Variants in DLGAP2 observed in about 807,000 individuals in gnomAD.
The protein encoded by DLGAP2 is disks large-associated protein 2.
In DLGAP2, 26 loss-of-function variants were observed where a neutral mutation model predicts 100.3. The observed-to-expected ratio is 0.26, with a 90% confidence interval of 0.19 to 0.36. The LOEUF (loss-of-function observed/expected upper bound fraction) is 0.36, where lower values mean the gene tolerates loss of function less well. DLGAP2 is among the 10% of genes least tolerant of loss of function. DLGAP2 has a pLI of 1.00. For synonymous variants in DLGAP2, 886 were observed against 630.1 expected (o/e 1.41, Z -6.08); for missense variants, 1,858 against 1,453.2 (o/e 1.28, Z -4.53).
At chr8:1,030,569 C>G (rs974706077) in intron 2 of DLGAP2, among the ~76,000 whole-genome samples, 4 of 152,138 alleles carry the variant, frequency 2.6e-5, no homozygotes, top group African/African-American at 9.7e-5. Flanking sequence ...ATAAAATGGT[C>G]TCTGAAATAT....
At chr8:1,177,344 G>T (rs1351919060) in intron 2 of DLGAP2, among the ~76,000 whole-genome samples, 1 of 152,078 alleles carries the variant, frequency 6.6e-6, no homozygotes, top group Non-Finnish European at 1.5e-5. Flanking sequence ...TCATAAGCCT[G>T]GCTGTTTTAT....
chr8:829,613 C>T (rs1796744547), intron 1 of DLGAP2, among the ~76,000 whole-genome samples: 1 of 152,112 alleles, frequency 6.6e-6, no homozygotes, highest in African/African-American at 2.4e-5. Flanking sequence ...ATTATTTTGT[C>T]AGTTATTTCT....
At chr8:844,269 T>C (rs539392487) in intron 1 of DLGAP2, among the ~76,000 whole-genome samples, 6 of 152,308 alleles carry the variant, frequency 3.9e-5, no homozygotes, top group Non-Finnish European at 7.4e-5. Flanking sequence ...ATTTACTTTT[T>C]TTAAAAAGAC....
intron 3 of DLGAP2, among the ~76,000 whole-genome samples, chr8:1,311,102 T>C (rs965520374): frequency 5.3e-5 from 8 of 151,508 alleles, no homozygotes; most frequent in African/African-American, 1.9e-4. Flanking sequence ...ATGGGGACAT[T>C]ACTACAGACC....
At chr8:1,452,247 G>C (rs963547410) in intron 3 of DLGAP2, among the ~76,000 whole-genome samples, 3 of 152,250 alleles carry the variant, frequency 2.0e-5, no homozygotes, top group African/African-American at 7.2e-5. Flanking sequence ...TGCGTGTTCT[G>C]TGGCCATGTG....
chr8:838,253 A>G (rs1796919169), intron 1 of DLGAP2, among the ~76,000 whole-genome samples: 2 of 152,156 alleles, frequency 1.3e-5, no homozygotes, highest in Non-Finnish European at 2.9e-5. Context: ...AAAAGTGGTC[A>G]GAACCTTTTC....
chr8:1,518,280 T>G (rs1056870814), intron 4 of DLGAP2, among the ~76,000 whole-genome samples: 1 of 152,206 alleles, frequency 6.6e-6, no homozygotes, highest in African/African-American at 2.4e-5. Context: ...GAAATCTGTC[T>G]GCTTCATCCT....
In DLGAP2 at chr8:1,007,945, G is replaced by A. The variant is rs74594190; in HGVS notation, c.73+99979G>A. On this transcript the variant is annotated intron_variant, in intron 2 of 14. Coordinates refer to ENST00000637795, the MANE Select transcript of DLGAP2 (RefSeq NM_001346810.2). ...CACTCCATGGCGCCCGGTCCGTCTC[G>A]CTGGTGACAGGACGCCCTCCATAAA... Among the ~76,000 whole-genome samples, 39 of 152,324 alleles carry A rather than the reference G, an allele frequency of 2.6e-4. No individual in the cohort carries two copies. The East Asian group carries it at 6.6e-3, about 26-fold the overall frequency.
At chr8:1,667,699 G>A (rs2130836886) in intron 8 of DLGAP2, among the ~76,000 whole-genome samples, 1 of 152,342 alleles carries the variant, frequency 6.6e-6, no homozygotes, top group African/African-American at 2.4e-5. Flanking sequence ...CAGGTTTCCT[G>A]TACAAATAGA....
At chr8:1,122,488 C>T (rs996969603) in intron 2 of DLGAP2, among the ~76,000 whole-genome samples, 2 of 152,168 alleles carry the variant, frequency 1.3e-5, no homozygotes, top group Admixed American at 6.5e-5. Flanking sequence ...CATTTTTGAT[C>T]CCACAATAGG....
chr8:1,327,215 A>G (rs979623926), intron 3 of DLGAP2, among the ~76,000 whole-genome samples: 1 of 152,158 alleles, frequency 6.6e-6, no homozygotes, highest in African/African-American at 2.4e-5. Flanking sequence ...TTTCTTTGCA[A>G]TTTTACAGGT....
intron 2 of DLGAP2, among the ~76,000 whole-genome samples, chr8:1,085,739 T>C (rs954206897): frequency 6.6e-6 from 1 of 152,230 alleles, no homozygotes; most frequent in East Asian, 1.9e-4. Context: ...CATGATTTTC[T>C]TATATATTTG....
chr8:1,623,131 A>G (rs1262546804), intron 6 of DLGAP2, among the ~76,000 whole-genome samples: 1 of 152,242 alleles, frequency 6.6e-6, no homozygotes, highest in Admixed American at 6.5e-5. Context: ...TTTTTTAACT[A>G]TTTAAAAAGT....
At chr8:1,009,337 T>G (rs1801211079) in intron 2 of DLGAP2, among the ~76,000 whole-genome samples, 1 of 152,228 alleles carries the variant, frequency 6.6e-6, no homozygotes, top group Non-Finnish European at 1.5e-5. Flanking sequence ...ATAGATGTCA[T>G]ATCGGATAAC....
chr8:1,090,675 G>A (rs965777339), intron 2 of DLGAP2, among the ~76,000 whole-genome samples: 3 of 152,242 alleles, frequency 2.0e-5, no homozygotes, highest in African/African-American at 7.2e-5. Flanking sequence ...CAGGTGGAAG[G>A]CAGTACGCTG....
chr8:1,350,791 G>A (rs1331570048), intron 3 of DLGAP2, among the ~76,000 whole-genome samples: 14 of 54,296 alleles, frequency 2.6e-4, no homozygotes, highest in African/African-American at 8.4e-4. Flanking sequence ...GGCCGTGCGG[G>A]TCCTGAGTGT....
chr8:796,926 A>G (rs533903596), intron 1 of DLGAP2, among the ~76,000 whole-genome samples: 19 of 152,132 alleles, frequency 1.2e-4, no homozygotes, highest in Non-Finnish European at 1.8e-4. Flanking sequence ...TTCAAAACAC[A>G]AGTCAAGGAT....
intron 3 of DLGAP2, among the ~76,000 whole-genome samples, chr8:1,298,903 G>T (rs1800260262): frequency 6.6e-6 from 1 of 151,942 alleles, no homozygotes; most frequent in South Asian, 2.1e-4. Context: ...AGGAACGGGG[G>T]GAGAACCCGG....
chr8:924,527 A>G (rs1360088069), intron 2 of DLGAP2, among the ~76,000 whole-genome samples: 1 of 151,182 alleles, frequency 6.6e-6, no homozygotes, highest in Non-Finnish European at 1.5e-5. Context: ...ACAGAGGCAC[A>G]TTTCAGAAAC....
Sources: gnomAD v4.1 joint callset for allele counts (sites outside exome capture counted in the v4.1 genomes callset) on GRCh38, gnomAD v4.1.1 for gene constraint, MANE v1.5 for transcripts, NCBI Gene and HGNC (gene_info 2026-07-23, HGNC 2026-07-21) for gene names.